The following TENM2 variants were observed in gnomAD, a reference collection of about 807,000 sequenced individuals.
The protein encoded by TENM2 is teneurin transmembrane protein 2, also known as teneurin-2.
In TENM2, 52 loss-of-function variants were observed where a neutral mutation model predicts 245.2. That is an observed-to-expected ratio of 0.21 (90% CI 0.17 to 0.27). The LOEUF is 0.27. Among genes scored for constraint, TENM2 ranks in the 10% least tolerant of loss-of-function variants. The probability of loss-of-function intolerance (pLI) is 1.00; values close to 1 mark genes in which losing one functional copy is unlikely to be tolerated. For synonymous variants in TENM2, 1,363 were observed against 1,438.9 expected (o/e 0.95, Z 1.19); for missense variants, 3,046 against 3,666.8 (o/e 0.83, Z 4.37).
the TENM2 span, among the ~76,000 whole-genome samples, chr5:167,043,950 G>A: frequency 1.3e-5 from 2 of 151,812 alleles, no homozygotes; most frequent in East Asian, 1.9e-4. Context: ...AACCCAGGAG[G>A]TAGAGGTTGC....
chr5:167,600,105 G>C (rs1205585170), intron 2 of TENM2, among the ~76,000 whole-genome samples: 1 of 22,592 alleles, frequency 4.4e-5, no homozygotes, highest in Non-Finnish European at 1.2e-4. Flanking sequence ...TAGGATACGT[G>C]GAACTCAGAG....
At chr5:167,804,305 G>T (rs955814287) in intron 2 of TENM2, among the ~76,000 whole-genome samples, 1 of 152,042 alleles carries the variant, frequency 6.6e-6, no homozygotes, top group African/African-American at 2.4e-5. Flanking sequence ...TGGAAAAAAA[G>T]ATAACCCTTT....
At chr5:167,166,235 A>C in the TENM2 span, among the ~76,000 whole-genome samples, 1 of 152,222 alleles carries the variant, frequency 6.6e-6, no homozygotes, top group Non-Finnish European at 1.5e-5. Context: ...ACACATCTGC[A>C]CACACCAAAC....
rs558924738 is a variant in TENM2, at chr5:167,521,679, G to A, written c.502+146206G>A. On this transcript the variant is annotated intron_variant, in intron 2 of 28. Transcript: ENST00000518659. ...CCATGTGTTTTTTAGGGAGTTCTGG[G>A]ATCAGCATTGAGAAAAATATTGCTG... is the stretch of plus-strand genomic sequence containing the variant. Among the ~76,000 whole-genome samples, 83 of 152,244 alleles carry A rather than the reference G, an allele frequency of 5.5e-4. 2 individuals are homozygous for A. Among genetic ancestry groups the A allele is most frequent in the Admixed American group, 1.0e-3 (16 of 15,284 alleles).
chr5:167,909,378 G>A (rs561404802), intron 3 of TENM2, among the ~76,000 whole-genome samples: 256 of 152,178 alleles, frequency 1.7e-3, no homozygotes, highest in Non-Finnish European at 3.1e-3. Flanking sequence ...GGGAATGATG[G>A]ATTATTAAAA....
intron 3 of TENM2, 105 bp from the exon 6 acceptor site, chr5:167,952,483 T>C: frequency 3.2e-6 from 3 of 939,532 alleles, no homozygotes; most frequent in South Asian, 3.2e-5. Flanking sequence ...CTTTCAGCAA[T>C]TGTCAGCTTA....
At chr5:167,467,516 GAAAA>G (rs10585036) in intron 2 of TENM2, among the ~76,000 whole-genome samples, 21 of 145,708 alleles carry the variant, frequency 1.4e-4, no homozygotes, top group Admixed American at 2.1e-4. Context: ...TCTTGTTTGA[GAAAA>G]AAAAAAAAAA....
chr5:167,846,747 A>C (rs117249370), intron 2 of TENM2, among the ~76,000 whole-genome samples: 1 of 152,348 alleles, frequency 6.6e-6, no homozygotes, highest in East Asian at 1.9e-4. Flanking sequence ...TGAACAAGAA[A>C]GCCTCTTTGG....
chr5:167,113,003 T>A, the TENM2 span, among the ~76,000 whole-genome samples: 2 of 152,182 alleles, frequency 1.3e-5, no homozygotes, highest in South Asian at 4.1e-4. Flanking sequence ...TGCTTTTAAA[T>A]CCTCATACCT....
chr5:168,149,264 C>T (rs989119697), intron 12 of TENM2, among the ~76,000 whole-genome samples: 11 of 152,218 alleles, frequency 7.2e-5, no homozygotes, highest in African/African-American at 2.2e-4. Context: ...TGATGCGGCA[C>T]GATGCTCCCC....
At chr5:168,017,703 A>G (rs1367544328) in intron 5 of TENM2, among the ~76,000 whole-genome samples, 1 of 152,220 alleles carries the variant, frequency 6.6e-6, no homozygotes, top group African/African-American at 2.4e-5. Context: ...CTCTTGGTCA[A>G]TGTGGGTCAC....
At chr5:167,714,656 C>G (rs1373786216) in intron 2 of TENM2, among the ~76,000 whole-genome samples, 1 of 152,172 alleles carries the variant, frequency 6.6e-6, no homozygotes, top group Non-Finnish European at 1.5e-5. Flanking sequence ...CTAAGAAAAT[C>G]AGACAAATAA....
intron 2 of TENM2, among the ~76,000 whole-genome samples, chr5:167,807,632 A>ATTT (rs766988937): frequency 6.8e-4 from 101 of 148,324 alleles, no homozygotes; most frequent in South Asian, 3.6e-3. Context: ...TTTAAAAAAA[A>ATTT]AAAAAAAGAG....
At chr5:166,994,627 G>A in the TENM2 span, among the ~76,000 whole-genome samples, 4 of 152,314 alleles carry the variant, frequency 2.6e-5, no homozygotes, top group Middle Eastern at 3.4e-3. Flanking sequence ...TTGCCAAAAG[G>A]TGTATGTCTG....
At chr5:167,548,789 G>A (rs1772740829) in intron 2 of TENM2, among the ~76,000 whole-genome samples, 1 of 152,072 alleles carries the variant, frequency 6.6e-6, no homozygotes, top group African/African-American at 2.4e-5. Context: ...GACACACAGA[G>A]CTCTCTAATG....
At chr5:168,035,546 T>G (rs1581123721) in intron 5 of TENM2, among the ~76,000 whole-genome samples, 3 of 151,842 alleles carry the variant, frequency 2.0e-5, no homozygotes, top group Non-Finnish European at 2.9e-5. Flanking sequence ...TTATTTCTAT[T>G]GGACAGTGCT....
chr5:167,070,284 A>ATTTTTTTTTTTTTTTTTTTTTTTTTT, the TENM2 span, among the ~76,000 whole-genome samples: 5 of 99,354 alleles, frequency 5.0e-5, no homozygotes, highest in African/African-American at 2.2e-4. Context: ...CGCCCGGCTA[A>ATTTTTTTTTTTTTTTTTTTTTTTTTT]TTTTTTTTTT....
chr5:167,971,334 G>A (rs965338367), intron 4 of TENM2, among the ~76,000 whole-genome samples: 3 of 151,286 alleles, frequency 2.0e-5, no homozygotes, highest in Non-Finnish European at 2.9e-5. Flanking sequence ...CAGGGAGGTC[G>A]GCCCTTGATT....
chr5:167,765,773 G>A (rs1762976356), intron 2 of TENM2, among the ~76,000 whole-genome samples: 1 of 152,178 alleles, frequency 6.6e-6, no homozygotes, highest in South Asian at 2.1e-4. Context: ...CAGGGCTGAT[G>A]AATATATGCA....
Sources: allele counts gnomAD v4.1 joint callset (sites outside exome capture counted in the v4.1 genomes callset), GRCh38; gene constraint gnomAD v4.1.1; transcripts MANE v1.5; gene names NCBI Gene and HGNC (gene_info 2026-07-23, HGNC 2026-07-21).